Variants in PCDHA7 observed in about 807,000 individuals in gnomAD.
PCDHA7 encodes protocadherin alpha-7.
In PCDHA7, 37 loss-of-function variants were observed where a neutral mutation model predicts 57.2. The ratio of observed to expected loss-of-function variants is 0.65; its 90% CI spans 0.50 to 0.85. The LOEUF is 0.85. Among genes scored for constraint, PCDHA7 ranks in the 40% least tolerant of loss-of-function variants. PCDHA7 has a pLI of 0.00. For missense variants in PCDHA7, 1,188 were observed against 1,241.8 expected (o/e 0.96, Z 0.65); for synonymous variants, 553 against 558.8 (o/e 0.99, Z 0.15).
chr5:140,950,270 G>A (rs980703743), intron 1 of PCDHA7, among the ~76,000 whole-genome samples: 1 of 151,960 alleles, frequency 6.6e-6, no homozygotes, highest in East Asian at 1.9e-4. Flanking sequence ...TATCCATAAT[G>A]TCTTTTTGCT....
At chr5:140,926,613 C>T (rs868988407) in intron 1 of PCDHA7, 87 of 374,818 alleles carry the variant, frequency 2.3e-4, no homozygotes, top group Middle Eastern at 2.1e-3. Context: ...GTCTCTGCAC[C>T]CCTAGGCGGC....
intron 1 of PCDHA7, chr5:140,841,807 TG>T (rs2150323037): frequency 6.8e-6 from 11 of 1,613,820 alleles, no homozygotes; most frequent in Non-Finnish European, 9.3e-6. Flanking sequence ...ATGCAGATGT[TG>T]GAGCTAACTC....
intron 1 of PCDHA7, chr5:140,869,327 T>C: frequency 6.2e-7 from 1 of 1,613,922 alleles, no homozygotes; most frequent in Non-Finnish European, 8.5e-7. Context: ...GGGGACCTTC[T>C]GGAGGTAAAT....
In PCDHA7 at chr5:140,857,745, C is replaced by A. The variant is rs782206343; in HGVS notation, c.2355+21007C>A. ...AACGACAACGCTCCCGCGCTGCTGG[C>A]GTCTCCCGCTGGCAGCGCGGGCGGT... is the stretch of plus-strand genomic sequence containing the variant. On this transcript the variant is annotated intron_variant, in intron 1 of 3. Coordinates refer to ENST00000525929, the MANE Select transcript of PCDHA7 (RefSeq NM_018910.3). 4.6e-5 allele frequency: 73 copies of A among 1,597,310 alleles called. 8 individuals carry two copies. Among genetic ancestry groups the A allele is most frequent in the Non-Finnish European group, 5.8e-5 (68 of 1,167,612 alleles).
chr5:140,955,889 G>A (rs246016), intron 1 of PCDHA7, among the ~76,000 whole-genome samples: 85,633 of 151,918 alleles, frequency 0.56, 24,754 homozygotes, highest in African/African-American at 0.69. Flanking sequence ...ATTCCTAGGT[G>A]TTTTATTCTC....
chr5:140,871,413 C>A (rs2053063966), intron 1 of PCDHA7: 1 of 1,614,002 alleles, frequency 6.2e-7, no homozygotes, highest in East Asian at 2.2e-5. Flanking sequence ...ACCTCATGGC[C>A]TTCAGCCCCA....
At chr5:140,959,859 T>A (rs2095514385) in intron 1 of PCDHA7, among the ~76,000 whole-genome samples, 1 of 152,192 alleles carries the variant, frequency 6.6e-6, no homozygotes, top group South Asian at 2.1e-4. Context: ...AGGAATTATG[T>A]AGCAAAATCT....
intron 1 of PCDHA7, chr5:140,869,810 A>G: frequency 6.2e-7 from 1 of 1,612,624 alleles, no homozygotes; most frequent in South Asian, 1.1e-5. Context: ...TTGGATGTCA[A>G]CGACAATGAT....
At chr5:140,840,887 T>C (rs1359040754) in intron 1 of PCDHA7, among the ~76,000 whole-genome samples, 2 of 151,984 alleles carry the variant, frequency 1.3e-5, no homozygotes, top group Non-Finnish European at 2.9e-5. Flanking sequence ...ATTTCTGATA[T>C]CCATGACATA....
At chr5:140,838,240 A>C (rs181955850) in intron 1 of PCDHA7, among the ~76,000 whole-genome samples, 1 of 150,206 alleles carries the variant, frequency 6.7e-6, no homozygotes, top group Admixed American at 6.6e-5. Context: ...CAGTCTCCCA[A>C]GTAGCTGGGA....
intron 1 of PCDHA7, chr5:140,875,685 C>T (rs563250653): frequency 6.2e-7 from 1 of 1,613,934 alleles, no homozygotes; most frequent in South Asian, 1.1e-5. Flanking sequence ...CCAAAAGACA[C>T]GGGGACCTTC....
rs782208845 is a variant in PCDHA7 at position 140,857,288 on chromosome 5, C to G, written c.2355+20550C>G. ...ATTGGTGCTGGACAGCGCTCTGGAC[C>G]GCGAGAGGGTGTCGGCCTATGAGCT... On this transcript the variant is annotated intron_variant, in intron 1 of 3. Transcript: ENST00000525929. 42 of 1,598,652 alleles carry G rather than the reference C, an allele frequency of 2.6e-5. 1 individual carries two copies. The highest frequency in any genetic ancestry group is 3.3e-5 in the Non-Finnish European group (39 of 1,168,028).
chr5:141,009,710 C>A lies in PCDHA7; in HGVS notation c.2587C>A (p.Pro863Thr), dbSNP rs2098413865. 1 of 1,613,980 alleles carries A rather than the reference C, an allele frequency of 6.2e-7. No individual in the cohort carries two copies. Among genetic ancestry groups the A allele is most frequent in the African/African-American group, 1.3e-5 (1 of 74,884 alleles). Residue 863 changes from proline (P) to threonine (T), a missense_variant, in exon 4 of 4, where the codon CCC becomes ACC. Pro to Thr is a conservative substitution (Grantham distance 38). Transcript: ENST00000525929. ...GACCTTTAAATACGGACCAGGCAAC[C>A]CCAAACAATCCGGTCCCGGTGAGTT... ...SWTFKYGPGN[P>T]KQSGPGELPD...
chr5:140,854,562 C>G (rs1316320721), intron 1 of PCDHA7: 1 of 149,730 alleles, frequency 6.7e-6, no homozygotes, highest in Non-Finnish European at 1.5e-5. Flanking sequence ...AATATTGTTG[C>G]TCTGTCATTC....
chr5:140,872,165 C>CT (rs781807025), intron 1 of PCDHA7, among the ~76,000 whole-genome samples: 5,631 of 144,184 alleles, frequency 0.039, 139 homozygotes, highest in African/African-American at 0.065. Flanking sequence ...ATTTACTTTT[C>CT]TTTTTTTTTT....
intron 1 of PCDHA7, chr5:140,928,173 C>T (rs1554205586): frequency 1.2e-6 from 2 of 1,614,170 alleles, no homozygotes; most frequent in Admixed American, 1.7e-5. Flanking sequence ...CACTTAGCAC[C>T]CGAAGGACAA....
chr5:140,869,600 C>T lies in PCDHA7; in HGVS notation c.2355+32862C>T, dbSNP rs782754801. The stretch of plus-strand genomic sequence containing the variant: ...TCTGATGCTGACATTGAAGAGAATG[C>T]TCTATTGACCTACAGGCTAAGTAAA... On this transcript the variant is annotated intron_variant, in intron 1 of 3. Transcript: ENST00000525929. 1.9e-6 allele frequency: 3 copies of T among 1,613,922 alleles called. No homozygotes were observed. The African/African-American group carries it at 4.0e-5, about 22-fold the overall frequency.
chr5:140,896,540 T>C (rs1372765271), intron 1 of PCDHA7, among the ~76,000 whole-genome samples: 1 of 151,560 alleles, frequency 6.6e-6, no homozygotes, highest in Non-Finnish European at 1.5e-5. Flanking sequence ...ATTTTTCTTT[T>C]TTTTTTTTGT....
intron 1 of PCDHA7, among the ~76,000 whole-genome samples, chr5:140,888,673 A>G (rs571585641): frequency 6.6e-6 from 1 of 152,180 alleles, no homozygotes; most frequent in Non-Finnish European, 1.5e-5. Context: ...TGCCCTGTGC[A>G]TTAAGAGGTC....
Sources: allele counts gnomAD v4.1 joint callset (sites outside exome capture counted in the v4.1 genomes callset), GRCh38; gene constraint gnomAD v4.1.1; transcripts MANE v1.5; gene names NCBI Gene and HGNC (gene_info 2026-07-23, HGNC 2026-07-21).